The following NPAS3 variants were observed in gnomAD, a reference collection of about 807,000 sequenced individuals.
NPAS3 encodes neuronal PAS domain protein 3, also known as neuronal PAS domain-containing protein 3.
A neutral mutation model predicts 73.1 loss-of-function variants in NPAS3; 14 were observed. That is an observed-to-expected ratio of 0.19 (90% confidence interval 0.13 to 0.30). The LOEUF (loss-of-function observed/expected upper bound fraction) is 0.30. Ranked by LOEUF, NPAS3 falls within the 10% of genes least tolerant of loss-of-function variation. The pLI is 1.00. For synonymous variants in NPAS3, 620 were observed against 541.5 expected, an observed-to-expected ratio of 1.14 and a Z score of -2.01; for missense variants, 1,096 against 1,250.0, an observed-to-expected ratio of 0.88 and a Z score of 1.86.
chr14:33,557,809 A>G (rs909794456), intron 4 of NPAS3, among the ~76,000 whole-genome samples: 1 of 152,212 alleles, frequency 6.6e-6, no homozygotes, highest in Non-Finnish European at 1.5e-5. Context: ...CTCTACTAAA[A>G]ATACAAAAAA....
intron 5 of NPAS3, among the ~76,000 whole-genome samples, chr14:33,661,180 A>C (rs1365450854): frequency 1.3e-5 from 2 of 152,042 alleles, no homozygotes; most frequent in Non-Finnish European, 2.9e-5. Flanking sequence ...TTGATGGACC[A>C]GAACAGCTAA....
At chr14:33,592,266 T>C (rs1176838421) in intron 5 of NPAS3, among the ~76,000 whole-genome samples, 1 of 152,162 alleles carries the variant, frequency 6.6e-6, no homozygotes, top group Non-Finnish European at 1.5e-5. Context: ...CTTTATCACA[T>C]GGAAAATCAT....
At chr14:33,347,684 C>A (rs2044809933) in intron 3 of NPAS3, among the ~76,000 whole-genome samples, 1 of 152,138 alleles carries the variant, frequency 6.6e-6, no homozygotes, top group Non-Finnish European at 1.5e-5. Context: ...ATGCTCCAGT[C>A]CTTGATATAA....
chr14:33,414,805 G>A (rs571442044), intron 4 of NPAS3, among the ~76,000 whole-genome samples: 24 of 152,208 alleles, frequency 1.6e-4, no homozygotes, highest in South Asian at 4.2e-4. Context: ...TTCTGTCACC[G>A]TCCACTCCTT....
chr14:32,960,419 G>A (rs561302313), intron 1 of NPAS3, among the ~76,000 whole-genome samples: 7 of 152,074 alleles, frequency 4.6e-5, no homozygotes, highest in Non-Finnish European at 8.8e-5. Flanking sequence ...AATACAAATG[G>A]AAGCTAAAAA....
chr14:33,673,254 G>A (rs376819998), intron 5 of NPAS3, among the ~76,000 whole-genome samples: 3 of 152,298 alleles, frequency 2.0e-5, no homozygotes, highest in East Asian at 3.9e-4. Flanking sequence ...AGAGGTAATA[G>A]GTCAAGTGGG....
intron 1 of NPAS3, among the ~76,000 whole-genome samples, chr14:32,962,215 A>G (rs2036952056): frequency 6.6e-6 from 1 of 152,298 alleles, no homozygotes; most frequent in South Asian, 2.1e-4. Flanking sequence ...GTAGAGGAGG[A>G]TGCCAAAAAG....
Position 33,159,553 on chromosome 14 carries a change from CTT to C in NPAS3, c.141-55612_141-55611del, listed in dbSNP as rs11389432. Reference sequence around the variant, plus strand: ...TAATTATAGTATTAATTATAATGAGCTTTTTTTTTTTTTTTTTTGAGATGGAG... The same window carrying C: ...TAATTATAGTATTAATTATAATGAGCTTTTTTTTTTTTTTTTGAGATGGAG... On this transcript the variant is annotated intron_variant, in intron 2 of 11. Transcript: ENST00000356141. Among the ~76,000 whole-genome samples, 23 of 121,378 alleles carry C rather than the reference CTT, an allele frequency of 1.9e-4. No individual in the cohort carries two copies. The East Asian group carries it at 2.6e-3, about 14-fold the overall frequency. The allele number at this position is 121,378 out of a possible 152,430, so 79.6% of individuals were successfully genotyped here. A position where few individuals can be genotyped will look rare whatever the true frequency, so the allele number is the denominator to read the frequency against.
chr14:32,960,576 T>C (rs974813546), intron 1 of NPAS3, among the ~76,000 whole-genome samples: 5 of 152,206 alleles, frequency 3.3e-5, no homozygotes, highest in African/African-American at 1.2e-4. Flanking sequence ...ACAGCTTTCA[T>C]TAATTCAGAA....
intron 5 of NPAS3, among the ~76,000 whole-genome samples, chr14:33,633,913 A>C (rs1280934567): frequency 1.3e-5 from 2 of 152,138 alleles, no homozygotes; most frequent in Non-Finnish European, 2.9e-5. Context: ...CAGGACATCG[A>C]GGCTGCATTG....
At chr14:33,363,963 ATAG>A (rs1168915637) in intron 3 of NPAS3, among the ~76,000 whole-genome samples, 2 of 107,896 alleles carry the variant, frequency 1.9e-5, no homozygotes, top group Non-Finnish European at 4.3e-5. Context: ...GTGTGTGTGT[ATAG>A]GTTAATTTTG....
chr14:33,632,567 G>T (rs965593500), intron 5 of NPAS3, among the ~76,000 whole-genome samples: 1 of 152,120 alleles, frequency 6.6e-6, no homozygotes, highest in Non-Finnish European at 1.5e-5. Context: ...GCTGGAGCTG[G>T]GTTCCACTTG....
chr14:32,994,282 A>G (rs774503162), intron 1 of NPAS3, among the ~76,000 whole-genome samples: 1 of 152,212 alleles, frequency 6.6e-6, no homozygotes, highest in Non-Finnish European at 1.5e-5. Flanking sequence ...ATGGTACTTC[A>G]CTGTTCTGTT....
At chr14:33,610,067 C>CT (rs2057702821) in intron 5 of NPAS3, among the ~76,000 whole-genome samples, 1 of 152,162 alleles carries the variant, frequency 6.6e-6, no homozygotes, top group African/African-American at 2.4e-5. Context: ...GTGACAGCCA[C>CT]TTGCTTTACA....
chr14:33,719,256 A>T (rs2061040365), intron 6 of NPAS3, among the ~76,000 whole-genome samples: 1 of 152,134 alleles, frequency 6.6e-6, no homozygotes, highest in Admixed American at 6.5e-5. Flanking sequence ...CCCTGTTGTT[A>T]TTCCAGGATG....
At chr14:33,672,089 G>A (rs564257318) in intron 5 of NPAS3, among the ~76,000 whole-genome samples, 12 of 152,174 alleles carry the variant, frequency 7.9e-5, no homozygotes, top group South Asian at 4.2e-4. Context: ...AGACAAAAGC[G>A]TGTTAACACC....
intron 10 of NPAS3, among the ~76,000 whole-genome samples, chr14:33,796,584 C>G (rs147971938): frequency 6.6e-6 from 1 of 152,020 alleles, no homozygotes; most frequent in Non-Finnish European, 1.5e-5. Context: ...ATGGAAAAAT[C>G]GAAGAGGCAT....
intron 7 of NPAS3, among the ~76,000 whole-genome samples, chr14:33,767,386 C>G (rs2062497810): frequency 6.6e-6 from 1 of 151,986 alleles, no homozygotes; most frequent in African/African-American, 2.4e-5. Context: ...TTCAGGCCAC[C>G]TCAGAGCCCC....
chr14:33,413,711 A>C (rs1347903946), intron 4 of NPAS3, among the ~76,000 whole-genome samples: 1 of 152,158 alleles, frequency 6.6e-6, no homozygotes, highest in Non-Finnish European at 1.5e-5. Flanking sequence ...GATAAAGATA[A>C]TTTTAAAATA....
Sources: gnomAD v4.1 joint callset for allele counts (sites outside exome capture counted in the v4.1 genomes callset) on GRCh38, gnomAD v4.1.1 for gene constraint, MANE v1.5 for transcripts, NCBI Gene and HGNC (gene_info 2026-07-23, HGNC 2026-07-21) for gene names.